WNT7B: variants seen among roughly 807,000 people sequenced by gnomAD.
The protein encoded by WNT7B is protein Wnt-7b.
In WNT7B, 19 loss-of-function variants were observed where a neutral mutation model predicts 38.2. That is an observed-to-expected ratio of 0.50 (90% CI 0.35 to 0.73). The LOEUF (loss-of-function observed/expected upper bound fraction) is 0.73. Among genes scored for constraint, WNT7B ranks in the 30% least tolerant of loss-of-function variants. The pLI, the probability that WNT7B is intolerant of heterozygous loss-of-function variation, is 0.01. For synonymous variants in WNT7B, 243 were observed against 209.3 expected (o/e 1.16, Z -1.39); for missense variants, 423 against 507.9 (o/e 0.83, Z 1.61).
chr22:45,959,935 G>A (rs961891080), intron 1 of WNT7B, among the ~76,000 whole-genome samples: 1 of 152,174 alleles, frequency 6.6e-6, no homozygotes, highest in African/African-American at 2.4e-5. Context: ...AGAGCCACAG[G>A]AGCCAGAAGC....
In WNT7B at chr22:45,956,466, C is replaced by T. The variant is rs79700895; in HGVS notation, c.72-6320G>A. On this transcript the variant is annotated intron_variant, in intron 1 of 3. Transcript: ENST00000339464. ...AGCTTCATCTATGGGGCCCCAAGCCCGAGACCAGCAATTGTGAAGCTACTG... is the reference window on the plus strand; with the variant it reads ...AGCTTCATCTATGGGGCCCCAAGCCTGAGACCAGCAATTGTGAAGCTACTG... Among the ~76,000 whole-genome samples, 815 of 152,298 alleles carry T rather than the reference C, an allele frequency of 5.4e-3. 5 individuals are homozygous for T. Among genetic ancestry groups the T allele is most frequent in the African/African-American group, 0.019 (773 of 41,552 alleles).
In WNT7B at chr22:45,931,209, C is replaced by G. The variant is rs754658159; in HGVS notation, c.459G>C (p.Ser153=). Residue 153 remains serine, a synonymous_variant, in exon 3 of 4, where the codon TCG becomes TCC. Coordinates refer to ENST00000339464, the MANE Select transcript of WNT7B (RefSeq NM_058238.3). The part of the protein sequence containing the change: ...QAEGWKWGGC[S]ADVRYGIDFS... ...AGTCGATGCCGTAACGCACGTCGGC[C>G]GAGCAGCCGCCCCACTTCCAGCCCT... The G allele has an allele frequency of 2.3e-5, 36 of 1,599,342 alleles. 1 individual carries two copies. In the South Asian group the frequency reaches 3.6e-4, roughly 16 times the overall value.
At chr22:45,943,341 C>T (rs1298379358) in intron 2 of WNT7B, among the ~76,000 whole-genome samples, 3 of 152,250 alleles carry the variant, frequency 2.0e-5, no homozygotes, top group Admixed American at 6.5e-5. Flanking sequence ...CCAAACACGC[C>T]GGCGCCCGTG....
chr22:45,946,631 G>T (rs1257228797), intron 2 of WNT7B, among the ~76,000 whole-genome samples: 1 of 152,210 alleles, frequency 6.6e-6, no homozygotes, highest in Non-Finnish European at 1.5e-5. Context: ...GCACGAGGGG[G>T]ACCACAGCAG....
At chr22:45,934,937 C>A (rs986536935) in intron 2 of WNT7B, among the ~76,000 whole-genome samples, 1 of 152,218 alleles carries the variant, frequency 6.6e-6, no homozygotes, top group South Asian at 2.1e-4. Flanking sequence ...GGCTCCCGTG[C>A]GCCCGGCACG....
chr22:45,929,948 C>CCATCCACTCATACATCTACCCACCCATA (rs143130413), intron 3 of WNT7B, among the ~76,000 whole-genome samples: 9 of 149,858 alleles, frequency 6.0e-5, no homozygotes, highest in African/African-American at 2.0e-4. Flanking sequence ...ATCCTTCCAT[C>CCATCCACTCATACATCTACCCACCCATA]CATCCACTCA....
chr22:45,942,690 T>C (rs1428229719), intron 2 of WNT7B, among the ~76,000 whole-genome samples: 1 of 152,198 alleles, frequency 6.6e-6, no homozygotes. Flanking sequence ...AGCACGCACC[T>C]CATGGGGTCC....
intron 2 of WNT7B, among the ~76,000 whole-genome samples, chr22:45,932,948 C>A (rs1052975894): frequency 6.6e-6 from 1 of 152,248 alleles, no homozygotes; most frequent in African/African-American, 2.4e-5. Flanking sequence ...GATAGAGAGG[C>A]AAGTCAGGTC....
At chr22:45,939,474 T>C (rs1318195219) in intron 2 of WNT7B, among the ~76,000 whole-genome samples, 2 of 152,230 alleles carry the variant, frequency 1.3e-5, no homozygotes, top group Non-Finnish European at 2.9e-5. Flanking sequence ...AATGAAGTAT[T>C]GATACATGCT....
chr22:45,942,966 TGTGTGCGTGTGTGCAGTGTGC>T (rs1319369955), intron 2 of WNT7B, among the ~76,000 whole-genome samples: 1 of 151,122 alleles, frequency 6.6e-6, no homozygotes, highest in African/African-American at 2.5e-5. Context: ...TGTGCATGTG[TGTGTGCGTGTGTGCAGTGTGC>T]ATGTGTGTAG....
intron 2 of WNT7B, among the ~76,000 whole-genome samples, chr22:45,938,278 G>C (rs544886130): frequency 2.6e-5 from 4 of 152,276 alleles, no homozygotes; most frequent in East Asian, 3.9e-4. Context: ...TATTGAGGTA[G>C]AGAGTGGAAT....
intron 1 of WNT7B, among the ~76,000 whole-genome samples, chr22:45,969,211 C>T (rs1601743030): frequency 6.6e-6 from 1 of 152,362 alleles, no homozygotes; most frequent in African/African-American, 2.4e-5. Flanking sequence ...TGCCCCCCCA[C>T]CCTGCCACAG....
chr22:45,945,958 G>A (rs1406201682), intron 2 of WNT7B, among the ~76,000 whole-genome samples: 1 of 152,244 alleles, frequency 6.6e-6, no homozygotes, highest in Non-Finnish European at 1.5e-5. Context: ...GCACATGATG[G>A]GCAGGACTCA....
chr22:45,927,126 G>A, intron 3 of WNT7B: 1 of 985,450 alleles, frequency 1.0e-6, no homozygotes, highest in South Asian at 4.7e-5. Flanking sequence ...TTGGTCTTGG[G>A]GGCATGGCCT....
intron 1 of WNT7B, among the ~76,000 whole-genome samples, chr22:45,962,812 G>C (rs1243371164): frequency 6.6e-6 from 1 of 152,226 alleles, no homozygotes; most frequent in Non-Finnish European, 1.5e-5. Flanking sequence ...GGGGCGCCTT[G>C]CAGGCCTGGG....
chr22:45,971,503 C>G (rs529126176), intron 1 of WNT7B, among the ~76,000 whole-genome samples: 6 of 152,202 alleles, frequency 3.9e-5, no homozygotes, highest in African/African-American at 1.4e-4. Flanking sequence ...CGCGCGCCCA[C>G]GCTCCGCGCT....
At position 45,951,380 on chromosome 22, in the gene WNT7B, T is replaced by A. The variant is rs1251203431; in HGVS notation, c.72-1234A>T. 6.6e-6 allele frequency among the ~76,000 whole-genome samples: 1 copy of A among 152,102 alleles called. No homozygotes were observed. The highest frequency in any genetic ancestry group is 6.6e-5 in the Admixed American group (1 of 15,260). On this transcript the variant is annotated intron_variant, in intron 1 of 3. Transcript: ENST00000339464. This position sits in a 1 kb window ranked among gnomAD's most constrained non-coding sequence, Gnocchi z 4.8. Reference sequence around the variant, plus strand: ...GTGTGAGCCACTGCACCCAGCCTTGTGTGTTTTTTTAATGAGGTGAAATTC... The same window carrying A: ...GTGTGAGCCACTGCACCCAGCCTTGAGTGTTTTTTTAATGAGGTGAAATTC...
At position 45,963,928 on chromosome 22, in the gene WNT7B, C is replaced by T. The variant is rs551857471; in HGVS notation, c.71+12756G>A. ...AAGGAAATACAAGAGCACAATGGGG[C>T]GCCAGGTGACCCCCCGCACCTCCAG... On this transcript the variant is annotated intron_variant, in intron 1 of 3. Transcript: ENST00000339464. 1.6e-3 allele frequency among the ~76,000 whole-genome samples: 238 copies of T among 152,118 alleles called. 1 individual carries two copies. The highest frequency in any genetic ancestry group is 5.0e-3 in the African/African-American group (208 of 41,502).
At position 45,922,985 on chromosome 22, in the gene WNT7B, C is replaced by T; in HGVS notation, c.921G>A (p.Met307Ile). 1 of 1,613,266 alleles carries T rather than the reference C, an allele frequency of 6.2e-7. No individual in the cohort carries two copies. The highest frequency in any genetic ancestry group is 1.1e-5 in the South Asian group (1 of 91,086). Residue 307 changes from methionine to isoleucine, a missense_variant, in exon 4 of 4, where the codon ATG becomes ATA. Coordinates refer to ENST00000339464, the MANE Select transcript of WNT7B (RefSeq NM_058238.3). ...TSPGADGCDTMCCGRGYNTHQ... is the reference protein window; with the variant it reads ...TSPGADGCDTICCGRGYNTHQ... ...GGGTGTTGTAGCCTCGGCCGCAGCA[C>T]ATGGTGTCACAGCCGTCCGCGCCGG...
Sources: gnomAD v4.1 joint callset for allele counts (sites outside exome capture counted in the v4.1 genomes callset) on GRCh38, gnomAD v4.1.1 for gene constraint, Gnocchi (gnomAD v3.1) non-coding constraint, MANE v1.5 for transcripts, NCBI Gene and HGNC (gene_info 2026-07-23, HGNC 2026-07-21) for gene names.